The following FBXW7 variants were observed in gnomAD, a reference collection of about 807,000 sequenced individuals.
The protein encoded by FBXW7 is F-box/WD repeat-containing protein 7.
Under a neutral mutation model 86.3 loss-of-function variants are expected in FBXW7, and 11 were observed. The observed-to-expected ratio is 0.13, with a 90% CI of 0.08 to 0.21. The LOEUF (loss-of-function observed/expected upper bound fraction) is 0.21. FBXW7 is among the 10% of genes least tolerant of loss of function. The pLI, the probability that FBXW7 is intolerant of heterozygous loss-of-function variation, is 1.00. For synonymous variants in FBXW7, 313 were observed against 297.9 expected (o/e 1.05, Z -0.52); for missense variants, 488 against 847.4 (o/e 0.58, Z 5.27).
intron 12 of FBXW7, 75 bp from the exon 13 acceptor site, chr4:152,324,469 G>C: frequency 8.3e-7 from 1 of 1,209,884 alleles, no homozygotes; most frequent in Non-Finnish European, 1.2e-6. Flanking sequence ...ATCCTAGTAG[G>C]AAAGGGGGAA....
At chr4:152,444,803 C>A (rs1237024440) in intron 2 of FBXW7, among the ~76,000 whole-genome samples, 2 of 152,158 alleles carry the variant, frequency 1.3e-5, no homozygotes, top group East Asian at 1.9e-4. Context: ...TAACCACCAT[C>A]CAAAGTGATA....
chr4:152,363,132 C>A (rs1170753650), intron 4 of FBXW7, among the ~76,000 whole-genome samples: 1 of 152,120 alleles, frequency 6.6e-6, no homozygotes, highest in Non-Finnish European at 1.5e-5. Context: ...GAGAGCAATT[C>A]ATGTGAGCCT....
rs139267155 is a variant in FBXW7, at chr4:152,505,372, C to A, written c.-120+29569G>T. On this transcript the variant is annotated intron_variant, in intron 2 of 13. Coordinates refer to ENST00000281708, the MANE Select transcript of FBXW7 (RefSeq NM_001349798.2). ...AATTTTTTCTTTCTTCCGTAATAAC[C>A]TCAGCTTACTATAACGTTTTTACTT... 6.8e-4 allele frequency among the ~76,000 whole-genome samples: 104 copies of A among 152,212 alleles called. 1 individual carries two copies. The East Asian group carries it at 0.018, about 27-fold the overall frequency.
chr4:152,463,376 A>T (rs780736703), intron 2 of FBXW7, among the ~76,000 whole-genome samples: 5 of 152,298 alleles, frequency 3.3e-5, no homozygotes, highest in Non-Finnish European at 7.4e-5. Context: ...CATTACCCAC[A>T]AAACCATAAG....
chr4:152,440,949 T>C (rs963603137), intron 2 of FBXW7, among the ~76,000 whole-genome samples: 10 of 151,580 alleles, frequency 6.6e-5, no homozygotes, highest in Non-Finnish European at 1.5e-4. Flanking sequence ...TTTTTTTCAA[T>C]AACGTTCACT....
chr4:152,385,400 C>A (rs945382872), intron 4 of FBXW7, among the ~76,000 whole-genome samples: 1 of 151,888 alleles, frequency 6.6e-6, no homozygotes, highest in Non-Finnish European at 1.5e-5. Flanking sequence ...CATTTAAAAG[C>A]CCTCAAAGAA....
chr4:152,350,701 T>C (rs1013449330), intron 4 of FBXW7, among the ~76,000 whole-genome samples: 1 of 151,568 alleles, frequency 6.6e-6, no homozygotes, highest in African/African-American at 2.4e-5. Flanking sequence ...AAAAAGTAAA[T>C]CAATAATAAG....
intron 2 of FBXW7, among the ~76,000 whole-genome samples, chr4:152,519,223 G>A (rs947644393): frequency 2.0e-5 from 3 of 152,072 alleles, no homozygotes; most frequent in African/African-American, 4.8e-5. Context: ...GCGTGAATCC[G>A]GGAGGCAGAG....
chr4:152,429,966 T>TTTG lies in FBXW7; in HGVS notation c.-119-17440_-119-17438dup, dbSNP rs138677761. Among the ~76,000 whole-genome samples, 247 of 152,222 alleles carry TTTG rather than the reference T, an allele frequency of 1.6e-3. 4 individuals carry two copies. In the East Asian group the frequency reaches 0.023, roughly 14 times the overall value. ...GAAAAAAGAAGGCATATTTTATGGC[T>TTTG]TTGTTGTTGTTGTTGTTGTTGTTAT... On this transcript the variant is annotated intron_variant, in intron 2 of 13. Transcript: ENST00000281708.
intron 2 of FBXW7, among the ~76,000 whole-genome samples, chr4:152,512,990 T>C (rs576762194): frequency 9.9e-5 from 15 of 152,178 alleles, no homozygotes; most frequent in East Asian, 9.6e-4. Flanking sequence ...GCCTCCCAAA[T>C]AGCTGGGACT....
In FBXW7 at chr4:152,534,966, G is replaced by A. The variant is rs961137096; in HGVS notation, c.-145C>T. On this transcript the variant is annotated 5_prime_UTR_variant, in exon 2 of 14. Transcript: ENST00000281708. ...ACTTTTAGAAAAGAGCCGCGGCGCC[G>A]AGAAAGTGGGTTGGTTCCCTTCCTC... 4 of 152,184 alleles carry A rather than the reference G, an allele frequency of 2.6e-5. No individual in the cohort carries two copies. Among genetic ancestry groups the A allele is most frequent in the African/African-American group, 9.7e-5 (4 of 41,434 alleles). The allele number at this position is 152,184 out of a possible 1,614,324, so 9.4% of individuals were successfully genotyped here.
intron 13 of FBXW7, chr4:152,323,454 T>C (rs533163783): frequency 1.0e-4 from 39 of 391,174 alleles, no homozygotes; most frequent in Non-Finnish European, 1.5e-4. Context: ...AGGATGTAGA[T>C]AGTGCAACTT....
At chr4:152,485,044 A>G (rs1745222227) in intron 2 of FBXW7, among the ~76,000 whole-genome samples, 1 of 151,996 alleles carries the variant, frequency 6.6e-6, no homozygotes, top group Admixed American at 6.6e-5. Flanking sequence ...AATTAAACAT[A>G]GTAATGACAA....
intron 4 of FBXW7, among the ~76,000 whole-genome samples, chr4:152,375,217 T>C (rs760396557): frequency 7.9e-5 from 12 of 152,104 alleles, no homozygotes; most frequent in Non-Finnish European, 1.8e-4. Context: ...TGAGAAGTAC[T>C]CTTACAGTAG....
At chr4:152,488,269 G>A (rs1455672065) in intron 2 of FBXW7, among the ~76,000 whole-genome samples, 1 of 151,974 alleles carries the variant, frequency 6.6e-6, no homozygotes, top group Non-Finnish European at 1.5e-5. Context: ...AAGTGATTTA[G>A]CAGTAATTTA....
intron 4 of FBXW7, among the ~76,000 whole-genome samples, chr4:152,356,704 G>C (rs955565154): frequency 4.6e-5 from 7 of 152,138 alleles, no homozygotes; most frequent in African/African-American, 1.7e-4. Flanking sequence ...TTAACTTTCT[G>C]GGATGTGAGT....
chr4:152,337,466 T>A (rs1346508571), intron 7 of FBXW7, among the ~76,000 whole-genome samples: 4 of 151,942 alleles, frequency 2.6e-5, no homozygotes, highest in African/African-American at 9.7e-5. Context: ...CTATCATGAA[T>A]ATACCAAGAT....
At chr4:152,324,121 C>T (rs2126473989) in intron 13 of FBXW7, 63 bp downstream of exon 13, 1 of 1,298,444 alleles carries the variant, frequency 7.7e-7, no homozygotes, top group South Asian at 1.3e-5. Context: ...GCTAAGGCTC[C>T]ATATTTCTCT....
chr4:152,405,159 T>G (rs1159003250), intron 4 of FBXW7, among the ~76,000 whole-genome samples: 5 of 150,566 alleles, frequency 3.3e-5, no homozygotes, highest in Non-Finnish European at 7.4e-5. Context: ...TTTGCCAGTC[T>G]TCAATTCTCA....
Sources: allele counts gnomAD v4.1 joint callset (sites outside exome capture counted in the v4.1 genomes callset), GRCh38; gene constraint gnomAD v4.1.1; transcripts MANE v1.5; gene names NCBI Gene and HGNC (gene_info 2026-07-23, HGNC 2026-07-21).